ARHGEF10L: variants seen among roughly 807,000 people sequenced by gnomAD.
The protein encoded by ARHGEF10L is rho guanine nucleotide exchange factor 10-like protein.
ARHGEF10L carries 69 observed loss-of-function variants against 141.2 expected under a neutral mutation model. That is an observed-to-expected ratio of 0.49 (90% CI 0.40 to 0.60). The LOEUF (loss-of-function observed/expected upper bound fraction) is 0.60, where lower values mean the gene tolerates loss of function less well. ARHGEF10L is among the 20% of genes least tolerant of loss of function. ARHGEF10L has a pLI of 0.00. For missense variants in ARHGEF10L, 1,482 were observed against 1,734.3 expected, an observed-to-expected ratio of 0.85 and a Z score of 2.58; for synonymous variants, 711 against 718.5, an observed-to-expected ratio of 0.99 and a Z score of 0.17.
chr1:17,608,416 G>A (rs769816485), intron 7 of ARHGEF10L, among the ~76,000 whole-genome samples: 11 of 152,214 alleles, frequency 7.2e-5, no homozygotes, highest in South Asian at 2.1e-4. Flanking sequence ...GCCTCAGCCC[G>A]CGCAGTCCTC....
At chr1:17,529,073 G>C in the ARHGEF10L span, among the ~76,000 whole-genome samples, 2 of 152,024 alleles carry the variant, frequency 1.3e-5, no homozygotes, top group African/African-American at 4.8e-5. Context: ...GCGTGATCTT[G>C]GCTCACTGCA....
At chr1:17,660,454 C>T (rs528911326) in intron 25 of ARHGEF10L, among the ~76,000 whole-genome samples, 74 of 152,312 alleles carry the variant, frequency 4.9e-4, no homozygotes, top group South Asian at 2.3e-3. Flanking sequence ...GCAATTCCCA[C>T]GAGTGCCGCG....
chr1:17,659,081 A>G (rs2062450598), intron 25 of ARHGEF10L, among the ~76,000 whole-genome samples: 1 of 152,190 alleles, frequency 6.6e-6, no homozygotes, highest in Non-Finnish European at 1.5e-5. Flanking sequence ...AACTTGTCTC[A>G]GTGTGTCAGG....
chr1:17,602,020 C>T lies in ARHGEF10L; in HGVS notation c.258-107C>T, dbSNP rs148446968. ...CCTCAGGTCTCCCCAGCAGCCTGGC[C>T]CTCAGCCCACTTTTGCCCATCATGT... On this transcript the variant is annotated intron_variant, in intron 4 of 28. Transcript: ENST00000361221. 376 of 1,043,932 alleles carry T rather than the reference C, an allele frequency of 3.6e-4. 1 individual carries two copies. Among genetic ancestry groups the T allele is most frequent in the East Asian group, 3.4e-3 (126 of 36,946 alleles). 64.7% of individuals were successfully genotyped at this position (1,043,932 alleles called of 1,614,324 possible).
the ARHGEF10L span, among the ~76,000 whole-genome samples, chr1:17,524,420 CAA>C: frequency 4.4e-5 from 6 of 137,676 alleles, no homozygotes; most frequent in Admixed American, 1.4e-4. Flanking sequence ...CACACACACA[CAA>C]AATTAGCCTG....
chr1:17,654,596 T>G lies in ARHGEF10L; in HGVS notation c.2395-40T>G, dbSNP rs1306427647. 2.5e-6 allele frequency: 4 copies of G among 1,581,598 alleles called. No individual in the cohort carries two copies. Among genetic ancestry groups the G allele is most frequent in the Non-Finnish European group, 3.5e-6 (4 of 1,150,470 alleles). ...TGCCAAATATTGGCATCTGGGCACC[T>G]TGATGATTAACCTCACATGTACCGT... On this transcript the variant is annotated intron_variant, in intron 22 of 28. Coordinates refer to ENST00000361221, the MANE Select transcript of ARHGEF10L (RefSeq NM_018125.4). The surrounding 1 kb of genome is among the most constrained non-coding windows in gnomAD (Gnocchi z 4.3).
At chr1:17,677,298 A>G (rs2063783694) in intron 26 of ARHGEF10L, among the ~76,000 whole-genome samples, 1 of 151,868 alleles carries the variant, frequency 6.6e-6, no homozygotes, top group East Asian at 1.9e-4. Flanking sequence ...GCTCACCTGC[A>G]CCCTCGTGCA....
Position 17,687,720 on chromosome 1 carries a change from G to A in ARHGEF10L, c.3157G>A (p.Ala1053Thr), listed in dbSNP as rs1293742992. 14 of 1,592,922 alleles carry A rather than the reference G, an allele frequency of 8.8e-6. No individual in the cohort carries two copies. Among genetic ancestry groups the A allele is most frequent in the Admixed American group, 3.4e-5 (2 of 58,516 alleles). ...TLEHLQEINI[A>T]TRTTFLLPGQ... Reference sequence around the variant, plus strand: ...GGAGCATCTGCAAGAGATCAACATCGCCACCAGGACCACCTTCCTCCTGCC... The same window carrying A: ...GGAGCATCTGCAAGAGATCAACATCACCACCAGGACCACCTTCCTCCTGCC... Residue 1053 changes from alanine to threonine, a missense_variant, in exon 27 of 29, where the codon GCC becomes ACC. Around this residue, in one of 3 missense-constraint regions of ARHGEF10L, gnomAD observed 858 missense variants for 966.3 expected, o/e 0.89. Transcript: ENST00000361221.
At chr1:17,638,265 A>G (rs1462478184) in intron 19 of ARHGEF10L, among the ~76,000 whole-genome samples, 1 of 152,214 alleles carries the variant, frequency 6.6e-6, no homozygotes, top group East Asian at 1.9e-4. Flanking sequence ...TTCTCTGCAC[A>G]GTGGCCATTC....
chr1:17,545,169 G>A (rs2076873820), intron 1 of ARHGEF10L, among the ~76,000 whole-genome samples: 1 of 152,162 alleles, frequency 6.6e-6, no homozygotes, highest in Non-Finnish European at 1.5e-5. Context: ...ATTCAGTGAT[G>A]TCACATTGGC....
At chr1:17,666,160 C>T (rs905755379) in intron 26 of ARHGEF10L, among the ~76,000 whole-genome samples, 1 of 152,208 alleles carries the variant, frequency 6.6e-6, no homozygotes, top group Non-Finnish European at 1.5e-5. Context: ...CATCTGGAGA[C>T]ACCCTCACAG....
chr1:17,559,911 C>T lies in ARHGEF10L; in HGVS notation c.-44+19961C>T, dbSNP rs371069663. 1.3e-3 allele frequency among the ~76,000 whole-genome samples: 198 copies of T among 152,206 alleles called. 1 individual carries two copies. Among genetic ancestry groups the T allele is most frequent in the African/African-American group, 4.6e-3 (193 of 41,546 alleles). ...CCTGCCCTGGGTTCAGCACTCCTGT[C>T]CCTCCACACCTCATGTTCCTGCTTG... is the stretch of plus-strand genomic sequence containing the variant. On this transcript the variant is annotated intron_variant, in intron 1 of 28. Transcript: ENST00000361221.
At chr1:17,647,830 A>G (rs1455218307) in intron 21 of ARHGEF10L, among the ~76,000 whole-genome samples, 1 of 152,132 alleles carries the variant, frequency 6.6e-6, no homozygotes, top group Admixed American at 6.5e-5. Flanking sequence ...CGAGCCATGT[A>G]AAGGAGCCTC....
At chr1:17,543,977 AC>A (rs2076826544) in intron 1 of ARHGEF10L, among the ~76,000 whole-genome samples, 1 of 147,024 alleles carries the variant, frequency 6.8e-6, no homozygotes, top group African/African-American at 2.5e-5. Context: ...ATGGAGTTTC[AC>A]TCTTGTTGCT....
intron 2 of ARHGEF10L, among the ~76,000 whole-genome samples, chr1:17,581,304 T>G: frequency 1.2e-5 from 1 of 84,818 alleles, no homozygotes; most frequent in East Asian, 3.2e-4. Context: ...AGAGCAAGAC[T>G]GTCTCAAAAA....
At chr1:17,546,307 T>C (rs1029555951) in intron 1 of ARHGEF10L, among the ~76,000 whole-genome samples, 1 of 152,184 alleles carries the variant, frequency 6.6e-6, no homozygotes, top group Non-Finnish European at 1.5e-5. Context: ...TCTCCCCCCA[T>C]TGCTAATTGA....
At chr1:17,688,206 C>A (rs919003602) in intron 27 of ARHGEF10L, among the ~76,000 whole-genome samples, 1 of 152,214 alleles carries the variant, frequency 6.6e-6, no homozygotes, top group African/African-American at 2.4e-5. Flanking sequence ...AAATTCCCCT[C>A]TTGGGCCTTC....
chr1:17,548,646 C>CTTTTT lies in ARHGEF10L; in HGVS notation c.-44+8717_-44+8721dup, dbSNP rs892480738. Among the ~76,000 whole-genome samples the CTTTTT allele has an allele frequency of 8.5e-4, 75 of 88,312 alleles. 2 individuals carry two copies. The highest frequency in any genetic ancestry group is 2.7e-3 in the African/African-American group (57 of 20,934). 57.9% of individuals were successfully genotyped at this position (88,312 alleles called of 152,430 possible). On this transcript the variant is annotated intron_variant, in intron 1 of 28. Transcript: ENST00000361221. The stretch of plus-strand genomic sequence containing the variant: ...CAAGTACCTTGAGCTCAAAATAATT[C>CTTTTT]TTTTTTTTTTTTTTTTTTTTTTTTT...
chr1:17,544,383 C>T (rs1015608984), intron 1 of ARHGEF10L, among the ~76,000 whole-genome samples: 2 of 151,940 alleles, frequency 1.3e-5, no homozygotes, highest in African/African-American at 2.4e-5. Context: ...CTCTGCCTCC[C>T]ACGCACGTTC....
Sources: gnomAD v4.1 joint callset for allele counts (sites outside exome capture counted in the v4.1 genomes callset) on GRCh38, gnomAD v4.1.1 for gene constraint, gnomAD v4.1.1 regional missense constraint, Gnocchi (gnomAD v3.1) non-coding constraint, MANE v1.5 for transcripts, NCBI Gene and HGNC (gene_info 2026-07-23, HGNC 2026-07-21) for gene names.